Variants in EPHA6 observed in about 807,000 individuals in gnomAD.
The protein encoded by EPHA6 is ephrin type-A receptor 6.
In EPHA6, 50 loss-of-function variants were observed where a neutral mutation model predicts 112.0. That is an observed-to-expected ratio of 0.45 (90% CI 0.36 to 0.56). EPHA6 has a LOEUF of 0.56. Ranked by LOEUF, EPHA6 falls within the 20% of genes least tolerant of loss-of-function variation. EPHA6 has a pLI of 0.00. For synonymous variants in EPHA6, 529 were observed against 490.7 expected (o/e 1.08, Z -1.03); for missense variants, 1,280 against 1,417.4 (o/e 0.90, Z 1.56).
intron 2 of EPHA6, among the ~76,000 whole-genome samples, chr3:96,968,059 T>C (rs1352293230): frequency 6.6e-6 from 1 of 151,916 alleles, no homozygotes; most frequent in East Asian, 1.9e-4. Context: ...ACTCATTCTG[T>C]AATATTTTCT....
intron 3 of EPHA6, among the ~76,000 whole-genome samples, chr3:97,190,938 T>A (rs934645035): frequency 2.6e-5 from 4 of 152,126 alleles, no homozygotes; most frequent in Admixed American, 2.6e-4. Flanking sequence ...AGGATGAGAA[T>A]AATTATTATA....
chr3:96,919,435 A>T (rs2039650232), intron 2 of EPHA6, among the ~76,000 whole-genome samples: 1 of 151,938 alleles, frequency 6.6e-6, no homozygotes, highest in Admixed American at 6.6e-5. Context: ...AGTAGATTCC[A>T]TAGAAATTCA....
At chr3:97,607,283 A>G (rs572356543) in intron 12 of EPHA6, among the ~76,000 whole-genome samples, 13 of 151,084 alleles carry the variant, frequency 8.6e-5, no homozygotes, top group African/African-American at 2.9e-4. Context: ...CTTTAACAAC[A>G]GCATGAGAAA....
At chr3:96,893,687 C>T (rs966817197) in intron 2 of EPHA6, among the ~76,000 whole-genome samples, 103 of 152,064 alleles carry the variant, frequency 6.8e-4, no homozygotes, top group Non-Finnish European at 3.5e-4. Flanking sequence ...GTATCAGATA[C>T]GGAGAAACTT....
intron 3 of EPHA6, among the ~76,000 whole-genome samples, chr3:97,156,159 A>G (rs2076285197): frequency 6.6e-6 from 1 of 152,168 alleles, no homozygotes; most frequent in Non-Finnish European, 1.5e-5. Context: ...GGAAAATTGA[A>G]ATAATACTGG....
At chr3:97,301,181 A>G (rs2081077299) in intron 5 of EPHA6, among the ~76,000 whole-genome samples, 1 of 152,114 alleles carries the variant, frequency 6.6e-6, no homozygotes, top group Non-Finnish European at 1.5e-5. Context: ...TAAAAAAGAG[A>G]GAATGAGAAA....
At chr3:97,097,912 TATG>T (rs1179537313) in intron 3 of EPHA6, among the ~76,000 whole-genome samples, 1 of 151,880 alleles carries the variant, frequency 6.6e-6, no homozygotes, top group Non-Finnish European at 1.5e-5. Flanking sequence ...GTGAGAATAA[TATG>T]ATTAACAATG....
chr3:97,337,882 C>A (rs2083132085), intron 5 of EPHA6, among the ~76,000 whole-genome samples: 1 of 152,048 alleles, frequency 6.6e-6, no homozygotes, highest in Non-Finnish European at 1.5e-5. Flanking sequence ...TGAAGACGAG[C>A]AACTCAGTGG....
rs545712756 is a variant in EPHA6 at position 97,335,630 on chromosome 3, G to A, written c.1607-69520G>A. Among the ~76,000 whole-genome samples the A allele has an allele frequency of 4.6e-5, 7 of 152,096 alleles. No individual in the cohort carries two copies. In the South Asian group the frequency reaches 1.2e-3, roughly 27 times the overall value. On this transcript the variant is annotated intron_variant, in intron 5 of 17. Transcript: ENST00000389672. ...CATCCCTTACCCAGATCTTCAAAAC[G>A]TGAATCTGGGAGGGACACAATTCTG... is the stretch of plus-strand genomic sequence containing the variant.
chr3:97,012,796 C>T (rs1286922313), intron 3 of EPHA6, among the ~76,000 whole-genome samples: 1 of 151,578 alleles, frequency 6.6e-6, no homozygotes, highest in African/African-American at 2.4e-5. Flanking sequence ...GCCCTTCTGA[C>T]TGATTTCAAA....
At chr3:97,392,945 A>T (rs920310383) in intron 5 of EPHA6, among the ~76,000 whole-genome samples, 1 of 151,750 alleles carries the variant, frequency 6.6e-6, no homozygotes, top group Non-Finnish European at 1.5e-5. Context: ...TACATTTAAA[A>T]CCTATTTTAA....
chr3:97,479,814 G>A (rs1183764295), intron 9 of EPHA6, among the ~76,000 whole-genome samples: 1 of 152,098 alleles, frequency 6.6e-6, no homozygotes, highest in African/African-American at 2.4e-5. Context: ...TTAACTCTTA[G>A]AATATGTATG....
At chr3:96,816,071 C>T (rs1388672484) in intron 1 of EPHA6, among the ~76,000 whole-genome samples, 2 of 152,074 alleles carry the variant, frequency 1.3e-5, no homozygotes, top group African/African-American at 4.8e-5. Flanking sequence ...GGTCAGATGG[C>T]TTGAAAGTGT....
chr3:97,355,116 A>G (rs1173615963), intron 5 of EPHA6, among the ~76,000 whole-genome samples: 1 of 152,216 alleles, frequency 6.6e-6, no homozygotes, highest in Non-Finnish European at 1.5e-5. Flanking sequence ...GATGGTAAAG[A>G]GAGTTCTTCA....
chr3:97,382,908 T>C (rs1385139093), intron 5 of EPHA6, among the ~76,000 whole-genome samples: 1 of 151,986 alleles, frequency 6.6e-6, no homozygotes, highest in African/African-American at 2.4e-5. Flanking sequence ...AAAATAATAA[T>C]AACTAAGGTA....
At chr3:97,182,605 C>T (rs938118985) in intron 3 of EPHA6, among the ~76,000 whole-genome samples, 1 of 152,028 alleles carries the variant, frequency 6.6e-6, no homozygotes, top group Non-Finnish European at 1.5e-5. Flanking sequence ...GAACTGCATC[C>T]TACTCTTGTG....
At chr3:97,216,638 A>T (rs1352871549) in intron 3 of EPHA6, among the ~76,000 whole-genome samples, 1 of 152,200 alleles carries the variant, frequency 6.6e-6, no homozygotes, top group Non-Finnish European at 1.5e-5. Context: ...GTTCCTACCT[A>T]TAGTAAGTAC....
At chr3:97,042,026 T>C (rs1000135729) in intron 3 of EPHA6, among the ~76,000 whole-genome samples, 13 of 152,092 alleles carry the variant, frequency 8.5e-5, no homozygotes, top group Non-Finnish European at 1.5e-4. Flanking sequence ...CCTAGAGATA[T>C]GTCATAGTTG....
intron 11 of EPHA6, chr3:97,560,618 A>G (rs2093176160): frequency 6.6e-6 from 1 of 152,056 alleles, no homozygotes; most frequent in South Asian, 2.1e-4. Flanking sequence ...GCTTTCATTC[A>G]TTCTTCAAAG....
Sources: allele counts gnomAD v4.1 joint callset (sites outside exome capture counted in the v4.1 genomes callset), GRCh38; gene constraint gnomAD v4.1.1; transcripts MANE v1.5; gene names NCBI Gene and HGNC (gene_info 2026-07-23, HGNC 2026-07-21).